Variants in ARHGAP15 observed in about 807,000 individuals in gnomAD.
The protein encoded by ARHGAP15 is rho GTPase-activating protein 15.
In ARHGAP15, 51 loss-of-function variants were observed where a neutral mutation model predicts 63.7. That is an observed-to-expected ratio of 0.80 (90% CI 0.64 to 1.01). The LOEUF is 1.01. ARHGAP15 is among the 50% of genes least tolerant of loss of function. The pLI, the probability that ARHGAP15 is intolerant of heterozygous loss-of-function variation, is 0.00. For missense variants in ARHGAP15, 560 were observed against 564.6 expected (o/e 0.99, Z 0.08); for synonymous variants, 191 against 193.8 (o/e 0.99, Z 0.12).
intron 6 of ARHGAP15, among the ~76,000 whole-genome samples, chr2:143,431,527 A>T (rs1689389017): frequency 6.6e-6 from 1 of 152,054 alleles, no homozygotes; most frequent in African/African-American, 2.4e-5. Context: ...CGTTTAAAGA[A>T]TAACGTATCA....
At chr2:143,378,074 C>A (rs1686894494) in intron 6 of ARHGAP15, among the ~76,000 whole-genome samples, 1 of 151,980 alleles carries the variant, frequency 6.6e-6, no homozygotes, top group African/African-American at 2.4e-5. Flanking sequence ...ATAATGTTTA[C>A]TGAAATTAAC....
rs572942974 is a variant in ARHGAP15, at chr2:143,564,493, T to C, written c.1003+8008T>C. Among the ~76,000 whole-genome samples, 5 of 152,264 alleles carry C rather than the reference T, an allele frequency of 3.3e-5. No homozygotes were observed. In the South Asian group the frequency reaches 1.0e-3, roughly 32 times the overall value. ...TGCAGTTTGAGCTATAAGTAAGTGT[T>C]TTAAAAGAAAAACTCCCCAGATAAG... On this transcript the variant is annotated intron_variant, in intron 11 of 13. Coordinates refer to ENST00000295095, the MANE Select transcript of ARHGAP15 (RefSeq NM_018460.4).
At chr2:143,274,706 T>C (rs1386441316) in intron 6 of ARHGAP15, among the ~76,000 whole-genome samples, 1 of 152,194 alleles carries the variant, frequency 6.6e-6, no homozygotes, top group African/African-American at 2.4e-5. Context: ...AATTGAACTG[T>C]TTTGTAAGGT....
At chr2:143,594,575 G>C (rs967347772) in intron 11 of ARHGAP15, among the ~76,000 whole-genome samples, 2 of 152,024 alleles carry the variant, frequency 1.3e-5, no homozygotes, top group Non-Finnish European at 2.9e-5. Flanking sequence ...CAGTTTTCCT[G>C]GTCTTATAAT....
intron 6 of ARHGAP15, among the ~76,000 whole-genome samples, chr2:143,386,829 T>G (rs574746138): frequency 4.8e-5 from 7 of 146,064 alleles, no homozygotes; most frequent in Admixed American, 2.8e-4. Flanking sequence ...GTTGTTGTTG[T>G]TGGTTGTTTA....
chr2:143,429,691 G>C (rs1163924409), intron 6 of ARHGAP15, among the ~76,000 whole-genome samples: 1 of 152,080 alleles, frequency 6.6e-6, no homozygotes, highest in Non-Finnish European at 1.5e-5. Flanking sequence ...GAAATGCTGA[G>C]ATCCATTGGT....
intron 6 of ARHGAP15, among the ~76,000 whole-genome samples, chr2:143,368,406 A>C (rs1686392679): frequency 6.6e-6 from 1 of 152,096 alleles, no homozygotes; most frequent in Non-Finnish European, 1.5e-5. Context: ...GGGAGACTTA[A>C]CAGGGAGAGA....
At chr2:143,542,639 A>AAT (rs879936225) in intron 10 of ARHGAP15, among the ~76,000 whole-genome samples, 4 of 143,978 alleles carry the variant, frequency 2.8e-5, no homozygotes, top group Non-Finnish European at 6.0e-5. Context: ...TATGATTTAA[A>AAT]ATATATATAT....
chr2:143,145,882 AAT>A (rs143451816), intron 1 of ARHGAP15, among the ~76,000 whole-genome samples: 2,732 of 147,424 alleles, frequency 0.019, 43 homozygotes, highest in Middle Eastern at 0.038. Context: ...GTGTGTGTAT[AAT>A]ATATATATAA....
At chr2:143,594,113 T>C (rs1221555616) in intron 11 of ARHGAP15, among the ~76,000 whole-genome samples, 1 of 152,112 alleles carries the variant, frequency 6.6e-6, no homozygotes, top group East Asian at 1.9e-4. Context: ...AATCTCATCA[T>C]TAAAAGGAGG....
intron 1 of ARHGAP15, among the ~76,000 whole-genome samples, chr2:143,135,173 C>T (rs1251288958): frequency 1.3e-5 from 2 of 152,090 alleles, no homozygotes; most frequent in African/African-American, 4.8e-5. Context: ...AAGTAAGATT[C>T]AGTGAGGAGA....
chr2:143,162,204 A>G (rs1439386642), intron 2 of ARHGAP15: 2 of 152,016 alleles, frequency 1.3e-5, no homozygotes, highest in Non-Finnish European at 2.9e-5. Flanking sequence ...ACTGTCAGCT[A>G]GGATTGATTT....
chr2:143,301,711 A>G (rs986868129), intron 6 of ARHGAP15, among the ~76,000 whole-genome samples: 2 of 151,900 alleles, frequency 1.3e-5, no homozygotes, highest in Admixed American at 6.6e-5. Flanking sequence ...TATATAACAC[A>G]TCTTTCCATA....
At chr2:143,321,420 A>C (rs190555541) in intron 6 of ARHGAP15, among the ~76,000 whole-genome samples, 1 of 152,220 alleles carries the variant, frequency 6.6e-6, no homozygotes. Context: ...TAGTCGGTTC[A>C]CACAAATGTG....
intron 2 of ARHGAP15, among the ~76,000 whole-genome samples, chr2:143,165,943 G>GAAGAAAGAGAGA (rs1553442817): frequency 7.1e-4 from 66 of 92,492 alleles, no homozygotes; most frequent in Non-Finnish European, 9.7e-4. Flanking sequence ...GAAAAGAAAA[G>GAAGAAAGAGAGA]AAGAAAGAAA....
rs1680550025 is a variant in ARHGAP15 at position 143,640,472 on chromosome 2, C to T, written c.1138+16205C>T. ...AGGACTAGGTGGACTCTAGTATTCA[C>T]ATTTTCTACATGTCGAAGAAGTATT... is the stretch of plus-strand genomic sequence containing the variant. On this transcript the variant is annotated intron_variant, in intron 12 of 13. Coordinates refer to ENST00000295095, the MANE Select transcript of ARHGAP15 (RefSeq NM_018460.4). Among the ~76,000 whole-genome samples the T allele has an allele frequency of 3.3e-5, 5 of 152,098 alleles. No individual in the cohort carries two copies. The South Asian group carries it at 1.0e-3, about 32-fold the overall frequency.
Position 143,539,346 on chromosome 2 carries a change from AT to A in ARHGAP15, c.926-17056del, listed in dbSNP as rs550448636. Among the ~76,000 whole-genome samples, 1,140 of 117,324 alleles carry A rather than the reference AT, an allele frequency of 9.7e-3. 17 individuals carry two copies. Among genetic ancestry groups the A allele is most frequent in the African/African-American group, 0.038 (1,082 of 28,742 alleles). The allele number at this position is 117,324 out of a possible 152,430, so 77.0% of individuals were successfully genotyped here. ...AAAAAACCAGCTCCTGGATTCATTG[AT>A]TTTTTGAAGGGTTTTTTGTGTCTCT... On this transcript the variant is annotated intron_variant, in intron 10 of 13. Coordinates refer to ENST00000295095, the MANE Select transcript of ARHGAP15 (RefSeq NM_018460.4).
At chr2:143,394,895 C>G (rs1175386400) in intron 6 of ARHGAP15, among the ~76,000 whole-genome samples, 1 of 151,870 alleles carries the variant, frequency 6.6e-6, no homozygotes, top group Non-Finnish European at 1.5e-5. Flanking sequence ...AAAAAGATTC[C>G]AAGACTCCAG....
Position 143,312,102 on chromosome 2 carries a change from A to T in ARHGAP15, c.474+61502A>T, listed in dbSNP as rs565833698. 4.1e-4 allele frequency among the ~76,000 whole-genome samples: 63 copies of T among 152,312 alleles called. 1 individual carries two copies. Among genetic ancestry groups the T allele is most frequent in the African/African-American group, 1.5e-3 (62 of 41,580 alleles). On this transcript the variant is annotated intron_variant, in intron 6 of 13. Transcript: ENST00000295095. ...GGAAACAAAACTAAGCTAATGAACA[A>T]AAGATTTCAGAATTATACAGAGATT...
Sources: allele counts gnomAD v4.1 joint callset (sites outside exome capture counted in the v4.1 genomes callset), GRCh38; gene constraint gnomAD v4.1.1; transcripts MANE v1.5; gene names NCBI Gene and HGNC (gene_info 2026-07-23, HGNC 2026-07-21).